Variants in DCDC1 observed in about 807,000 individuals in gnomAD.
DCDC1 encodes doublecortin domain containing 1, also known as doublecortin domain-containing protein 1.
In DCDC1, 200 loss-of-function variants were observed where a neutral mutation model predicts 178.3. The ratio of observed to expected loss-of-function variants is 1.12; its 90% confidence interval spans 1.00 to 1.26. The LOEUF (loss-of-function observed/expected upper bound fraction) is 1.26, where lower values mean the gene tolerates loss of function less well. Ranked by LOEUF, DCDC1 falls within the 50% of genes most tolerant of loss-of-function variation. The pLI is 0.00. For missense variants in DCDC1, 1,983 were observed against 1,749.2 expected (o/e 1.13, Z -2.38); for synonymous variants, 690 against 604.8 (o/e 1.14, Z -2.07).
intron 9 of DCDC1, among the ~76,000 whole-genome samples, chr11:31,210,435 G>A (rs141342071): frequency 2.6e-5 from 4 of 152,236 alleles, no homozygotes; most frequent in East Asian, 1.9e-4. Context: ...TGGACCGGCC[G>A]GGCACGGTGG....
At chr11:31,271,041 C>A (rs1019569512) in intron 7 of DCDC1, among the ~76,000 whole-genome samples, 2 of 152,120 alleles carry the variant, frequency 1.3e-5, no homozygotes, top group Non-Finnish European at 2.9e-5. Context: ...ATTTCTCTCC[C>A]ACTTTCCACA....
At chr11:31,068,938 G>A (rs528703446) in intron 18 of DCDC1, among the ~76,000 whole-genome samples, 2 of 151,544 alleles carry the variant, frequency 1.3e-5, no homozygotes, top group Admixed American at 6.6e-5. Flanking sequence ...TGCAAGCTCC[G>A]CTTCCTGGGT....
In DCDC1 at chr11:30,925,308, C is replaced by T; in HGVS notation, c.2997+1G>A. 1 of 1,612,030 alleles carries T rather than the reference C, an allele frequency of 6.2e-7. No homozygotes were observed. Among genetic ancestry groups the T allele is most frequent in the Non-Finnish European group, 8.5e-7 (1 of 1,178,440 alleles). On this transcript the variant is annotated splice_donor_variant, in intron 23 of 38. Coordinates refer to ENST00000684477, the MANE Select transcript of DCDC1 (RefSeq NM_001387274.1). LOFTEE classifies it high-confidence loss of function. ...TGCCAGTTTCAAATCCATGTCTTTA[C>T]CAGTTCATCTCTTTGCAGGTCTTTT...
intron 34 of DCDC1, among the ~76,000 whole-genome samples, chr11:30,897,208 A>G (rs187057700): frequency 3.0e-4 from 45 of 152,374 alleles, no homozygotes; most frequent in African/African-American, 9.6e-4. Context: ...AAACCACATC[A>G]AAGGATCCCT....
chr11:31,013,317 G>A (rs1331925114), intron 20 of DCDC1, among the ~76,000 whole-genome samples: 1 of 152,078 alleles, frequency 6.6e-6, no homozygotes, highest in Non-Finnish European at 1.5e-5. Flanking sequence ...CATTATAAGT[G>A]GAGATTTTTT....
intron 9 of DCDC1, among the ~76,000 whole-genome samples, chr11:31,171,867 T>C (rs891700591): frequency 5.9e-5 from 9 of 152,216 alleles, no homozygotes; most frequent in African/African-American, 1.7e-4. Flanking sequence ...TACTGACAAA[T>C]TGTAGCTCAT....
intron 9 of DCDC1, among the ~76,000 whole-genome samples, chr11:31,215,514 G>A (rs1326430939): frequency 6.6e-6 from 1 of 152,078 alleles, no homozygotes; most frequent in Non-Finnish European, 1.5e-5. Context: ...GAGGCAGCAG[G>A]CCTGGCGCGG....
At chr11:31,230,138 C>G (rs1975575193) in intron 9 of DCDC1, among the ~76,000 whole-genome samples, 3 of 151,964 alleles carry the variant, frequency 2.0e-5, no homozygotes, top group African/African-American at 7.2e-5. Context: ...TCTTTTACAA[C>G]TAATAATTTC....
intron 20 of DCDC1, among the ~76,000 whole-genome samples, chr11:30,957,481 T>C (rs1400041030): frequency 6.6e-6 from 1 of 152,144 alleles, no homozygotes; most frequent in Non-Finnish European, 1.5e-5. Context: ...AACAGAAACA[T>C]CTGACAAAGG....
intron 4 of DCDC1, 59 bp downstream of exon 4, chr11:31,307,567 ACATTATAAACTCT>A: frequency 1.3e-6 from 2 of 1,547,376 alleles, no homozygotes; most frequent in South Asian, 1.2e-5. Flanking sequence ...GTCAATTGAA[ACATTATAAACTCT>A]GCTCAAAGGA....
At chr11:30,900,802 A>G (rs1944606033) in intron 32 of DCDC1, among the ~76,000 whole-genome samples, 1 of 152,046 alleles carries the variant, frequency 6.6e-6, no homozygotes, top group South Asian at 2.1e-4. Flanking sequence ...AGATAAAAAA[A>G]TCAAGCACAG....
rs1380529050 is a variant in DCDC1, at chr11:31,110,377, A to G, written c.1486-16T>C. On this transcript the variant is annotated splice_polypyrimidine_tract_variant and intron_variant, in intron 11 of 38. Coordinates refer to ENST00000684477, the MANE Select transcript of DCDC1 (RefSeq NM_001387274.1). ...TTTCAAATACCTGAAAAATAAACAT[A>G]TTCAAAAATAAAAATAAATACATGC... 2 of 697,268 alleles carry G rather than the reference A, an allele frequency of 2.9e-6. No homozygotes were observed. The highest frequency in any genetic ancestry group is 3.5e-5 in the African/African-American group (2 of 56,766). 43.2% of individuals were successfully genotyped at this position (697,268 alleles called of 1,614,324 possible).
chr11:30,962,142 C>T (rs1481544711), intron 20 of DCDC1, among the ~76,000 whole-genome samples: 1 of 151,848 alleles, frequency 6.6e-6, no homozygotes, highest in South Asian at 2.1e-4. Context: ...GTAACTTCAT[C>T]CTAATAGAAA....
intron 38 of DCDC1, among the ~76,000 whole-genome samples, chr11:30,874,776 A>G (rs186320879): frequency 2.6e-5 from 4 of 152,238 alleles, no homozygotes; most frequent in African/African-American, 9.6e-5. Flanking sequence ...TGTGCACCTG[A>G]GCTAAAACCC....
chr11:31,172,491 C>A (rs920349086), intron 9 of DCDC1, among the ~76,000 whole-genome samples: 1 of 152,102 alleles, frequency 6.6e-6, no homozygotes, highest in South Asian at 2.1e-4. Context: ...GAGCCTCAAA[C>A]AACATGGAGG....
chr11:31,124,447 G>A (rs1349704211), intron 11 of DCDC1, among the ~76,000 whole-genome samples: 1 of 151,904 alleles, frequency 6.6e-6, no homozygotes, highest in Non-Finnish European at 1.5e-5. Context: ...AAGTTCATAT[G>A]GAACCAAAAA....
At chr11:31,003,136 T>C (rs1168596805) in intron 20 of DCDC1, among the ~76,000 whole-genome samples, 1 of 151,580 alleles carries the variant, frequency 6.6e-6, no homozygotes, top group Non-Finnish European at 1.5e-5. Context: ...GATTTCCATA[T>C]ATTACATAGA....
At chr11:30,938,777 T>C (rs941410038) in intron 21 of DCDC1, among the ~76,000 whole-genome samples, 2 of 152,160 alleles carry the variant, frequency 1.3e-5, no homozygotes, top group South Asian at 2.1e-4. Context: ...TCCTTATCCA[T>C]AGTTTGGGGG....
In DCDC1 at chr11:30,904,974, C is replaced by A. The variant is rs769328195; in HGVS notation, c.4295G>T (p.Gly1432Val). The A allele has an allele frequency of 3.8e-5, 61 of 1,613,598 alleles. No homozygotes were observed. Among genetic ancestry groups the A allele is most frequent in the Non-Finnish European group, 4.5e-5 (53 of 1,179,680 alleles). Residue 1432 changes from glycine (G) to valine (V), a missense_variant, in exon 31 of 39, where the codon GGA becomes GTA. By Grantham distance (109) the Gly-to-Val change is moderately radical (BLOSUM62 -3). Transcript: ENST00000684477. ...GYRNGKLIVA[G>V]TFPMLLTECT... is the part of the protein sequence containing the mutation. ...ATAGCCACTTACCATGGGGAATGTT[C>A]CAGCCACAATTAACTTCCCATTACG...
Sources: allele counts gnomAD v4.1 joint callset (sites outside exome capture counted in the v4.1 genomes callset), GRCh38; gene constraint gnomAD v4.1.1; transcripts MANE v1.5; gene names NCBI Gene and HGNC (gene_info 2026-07-23, HGNC 2026-07-21).